Variants in SLC4A4 observed in about 807,000 individuals in gnomAD.
The protein encoded by SLC4A4 is solute carrier family 4 member 4, also known as electrogenic sodium bicarbonate cotransporter 1.
In SLC4A4, 27 loss-of-function variants were observed where a neutral mutation model predicts 111.5. The observed-to-expected ratio is 0.24, with a 90% CI of 0.18 to 0.33. The LOEUF (loss-of-function observed/expected upper bound fraction) is 0.33, where lower values mean the gene tolerates loss of function less well. Among genes scored for constraint, SLC4A4 ranks in the 10% least tolerant of loss-of-function variants. The pLI is 1.00. For missense variants in SLC4A4, 909 were observed against 1,315.5 expected (o/e 0.69, Z 4.78); for synonymous variants, 443 against 463.4 (o/e 0.96, Z 0.57).
At chr4:71,375,518 T>G (rs1254450953) in intron 6 of SLC4A4, among the ~76,000 whole-genome samples, 1 of 152,212 alleles carries the variant, frequency 6.6e-6, no homozygotes, top group Non-Finnish European at 1.5e-5. Context: ...ACATTCTCCT[T>G]GAAGGCTTCT....
chr4:71,353,128 A>G (rs1452809114), intron 5 of SLC4A4, among the ~76,000 whole-genome samples: 1 of 152,198 alleles, frequency 6.6e-6, no homozygotes, highest in African/African-American at 2.4e-5. Context: ...TACATATAAG[A>G]GAGGTTAGCC....
intron 7 of SLC4A4, among the ~76,000 whole-genome samples, chr4:71,433,611 T>C (rs1723843460): frequency 6.6e-6 from 1 of 152,302 alleles, no homozygotes; most frequent in East Asian, 1.9e-4. Flanking sequence ...ATAGTTTCTT[T>C]TGCTGTGCAG....
intron 11 of SLC4A4, 122 bp from the exon 12 acceptor site, chr4:71,453,373 A>G: frequency 1.0e-6 from 1 of 976,066 alleles, no homozygotes; most frequent in Non-Finnish European, 1.6e-6. Context: ...GTGGTTAAGT[A>G]GTATCTTGTC....
At chr4:71,501,603 G>A (rs1190059570) in intron 16 of SLC4A4, among the ~76,000 whole-genome samples, 3 of 149,436 alleles carry the variant, frequency 2.0e-5, no homozygotes, top group Non-Finnish European at 3.0e-5. Flanking sequence ...TTGGATTGTT[G>A]GTTTTGCTTA....
intron 3 of SLC4A4, among the ~76,000 whole-genome samples, chr4:71,277,018 T>C (rs1174635406): frequency 2.0e-5 from 3 of 152,142 alleles, no homozygotes; most frequent in Admixed American, 2.0e-4. Flanking sequence ...CACTCCAGCC[T>C]GGGTAACAGA....
intron 7 of SLC4A4, among the ~76,000 whole-genome samples, chr4:71,430,689 C>T (rs2149040652): frequency 6.6e-6 from 1 of 152,228 alleles, no homozygotes; most frequent in East Asian, 1.9e-4. Context: ...CAGTCTTTCT[C>T]TTCATCCATT....
intron 14 of SLC4A4, among the ~76,000 whole-genome samples, chr4:71,480,855 G>T (rs1443756263): frequency 6.6e-6 from 1 of 151,696 alleles, no homozygotes; most frequent in Non-Finnish European, 1.5e-5. Flanking sequence ...CCAAATGCCA[G>T]ACATTTTACT....
intron 2 of SLC4A4, among the ~76,000 whole-genome samples, chr4:71,145,482 C>A (rs1317837238): frequency 6.6e-6 from 1 of 152,148 alleles, no homozygotes. Context: ...AGGGAGGATT[C>A]CCTCTTTTTC....
At chr4:71,207,817 C>A (rs1293522893) in intron 1 of SLC4A4, among the ~76,000 whole-genome samples, 1 of 152,150 alleles carries the variant, frequency 6.6e-6, no homozygotes, top group Non-Finnish European at 1.5e-5. Context: ...AGGCTTTCCT[C>A]CTTTTTCTTC....
chr4:71,146,307 G>A (rs1345909339), intron 2 of SLC4A4, among the ~76,000 whole-genome samples: 1 of 152,182 alleles, frequency 6.6e-6, no homozygotes, highest in African/African-American at 2.4e-5. Context: ...ACTGTGGTCT[G>A]AGAGACAGTT....
rs140564336 is a variant in SLC4A4, at chr4:71,109,802, C to A, written c.-2+17010C>A. 6.4e-3 allele frequency among the ~76,000 whole-genome samples: 981 copies of A among 152,172 alleles called. 3 individuals are homozygous for A. The highest frequency in any genetic ancestry group is 0.011 in the Non-Finnish European group (733 of 67,994). ...AAGTGATCTGTCGTCCTCGGCCTCC[C>A]GAAGTGCTGGGATTATAGACATGAG... On this transcript the variant is annotated intron_variant, in intron 2 of 26. Transcript: ENST00000649996.
intron 1 of SLC4A4, among the ~76,000 whole-genome samples, chr4:71,190,193 T>G (rs145247417): frequency 6.6e-6 from 1 of 152,230 alleles, no homozygotes; most frequent in Admixed American, 6.5e-5. Context: ...GTCAGCTAAG[T>G]TGTATTCCAA....
At chr4:71,211,322 A>G (rs1718118435) in intron 1 of SLC4A4, among the ~76,000 whole-genome samples, 1 of 152,322 alleles carries the variant, frequency 6.6e-6, no homozygotes, top group South Asian at 2.1e-4. Context: ...CTGTAAATTT[A>G]GGTCTGTCAT....
chr4:71,187,857 A>C (rs1377285), intron 1 of SLC4A4, among the ~76,000 whole-genome samples: 7,097 of 152,208 alleles, frequency 0.047, 204 homozygotes, highest in East Asian at 0.1. Context: ...TCTTGGTGCT[A>C]CCGAGGCCGC....
At chr4:71,210,773 C>T (rs898945571) in intron 1 of SLC4A4, among the ~76,000 whole-genome samples, 15 of 152,192 alleles carry the variant, frequency 9.9e-5, no homozygotes, top group South Asian at 2.1e-4. Flanking sequence ...TTTTCTACCT[C>T]AGTAGTCTGT....
At chr4:71,143,899 C>T (rs112211136) in intron 2 of SLC4A4, among the ~76,000 whole-genome samples, 111,486 of 151,904 alleles carry the variant, frequency 0.73, 42,641 homozygotes, top group Admixed American at 0.84. Flanking sequence ...TGTAGGTTGC[C>T]TGTTCACTCT....
At chr4:71,330,094 T>A (rs1024523404) in intron 3 of SLC4A4, among the ~76,000 whole-genome samples, 15 of 152,246 alleles carry the variant, frequency 9.9e-5, no homozygotes, top group African/African-American at 3.6e-4. Flanking sequence ...TTCATTCTGT[T>A]GATATGATGT....
intron 3 of SLC4A4, among the ~76,000 whole-genome samples, chr4:71,264,887 A>T (rs2149072645): frequency 6.6e-6 from 1 of 152,320 alleles, no homozygotes; most frequent in Non-Finnish European, 1.5e-5. Context: ...GTTAAGAAAG[A>T]CTGAAGATAG....
chr4:71,401,830 T>C (rs1056030964), intron 7 of SLC4A4, among the ~76,000 whole-genome samples: 13 of 152,174 alleles, frequency 8.5e-5, no homozygotes, highest in Admixed American at 6.6e-4. Flanking sequence ...TCAAGTGAAA[T>C]TGTAGTCTGT....
Sources: allele counts gnomAD v4.1 joint callset (sites outside exome capture counted in the v4.1 genomes callset), GRCh38; gene constraint gnomAD v4.1.1; transcripts MANE v1.5; gene names NCBI Gene and HGNC (gene_info 2026-07-23, HGNC 2026-07-21).